The following PIK3C2B variants were observed in gnomAD, a reference collection of about 807,000 sequenced individuals.
PIK3C2B encodes the protein phosphatidylinositol-4-phosphate 3-kinase catalytic subunit type 2 beta.
A neutral mutation model predicts 184.3 loss-of-function variants in PIK3C2B; 83 were observed. That is an observed-to-expected ratio of 0.45 (90% CI 0.38 to 0.54). PIK3C2B has a LOEUF of 0.54. Ranked by LOEUF, PIK3C2B falls within the 20% of genes least tolerant of loss-of-function variation. PIK3C2B has a pLI of 0.00. For missense variants in PIK3C2B, 1,736 were observed against 2,113.5 expected (o/e 0.82, Z 3.50); for synonymous variants, 779 against 837.6 (o/e 0.93, Z 1.21).
At chr1:204,470,447 C>A (rs1487992037) in intron 1 of PIK3C2B, among the ~76,000 whole-genome samples, 1 of 152,166 alleles carries the variant, frequency 6.6e-6, no homozygotes, top group Non-Finnish European at 1.5e-5. Flanking sequence ...GGATTACAGG[C>A]GTGAGCTACC....
intron 1 of PIK3C2B, among the ~76,000 whole-genome samples, chr1:204,482,758 T>C (rs571458634): frequency 5.3e-4 from 80 of 151,502 alleles, no homozygotes; most frequent in Non-Finnish European, 2.9e-4. Flanking sequence ...CACTGCACTC[T>C]GTCTCAAAAA....
In PIK3C2B at chr1:204,433,492, C is replaced by T; in HGVS notation, c.3844-67G>A. On this transcript the variant is annotated intron_variant, in intron 25 of 32. Transcript: ENST00000684373. This position sits in a 1 kb window ranked among gnomAD's most constrained non-coding sequence, Gnocchi z 5.0. ...CAGAGAATTCTTGCTGCTTCTCTAC[C>T]CTTAGGCAAGGTTTTCTACAGCTAG... 1 of 1,061,924 alleles carries T rather than the reference C, an allele frequency of 9.4e-7. No individual in the cohort carries two copies. Among genetic ancestry groups the T allele is most frequent in the Non-Finnish European group, 1.5e-6 (1 of 687,220 alleles). The allele number at this position is 1,061,924 out of a possible 1,614,324, so 65.8% of individuals were successfully genotyped here.
At chr1:204,446,399 C>T (rs1408600503) in intron 15 of PIK3C2B, among the ~76,000 whole-genome samples, 2 of 152,222 alleles carry the variant, frequency 1.3e-5, no homozygotes, top group Non-Finnish European at 2.9e-5. Context: ...CCACAGATCA[C>T]CAGGTGATTC....
intron 1 of PIK3C2B, among the ~76,000 whole-genome samples, chr1:204,472,501 G>A (rs990325413): frequency 1.3e-5 from 2 of 149,248 alleles, no homozygotes; most frequent in African/African-American, 2.4e-5. Flanking sequence ...AAGCCCGGCC[G>A]GATACGGTGG....
Position 204,433,255 on chromosome 1 carries a change from T to G in PIK3C2B, c.3953+61A>C. 1 of 923,058 alleles carries G rather than the reference T, an allele frequency of 1.1e-6. No individual in the cohort carries two copies. Among genetic ancestry groups the G allele is most frequent in the South Asian group, 1.4e-5 (1 of 71,658 alleles). The allele number at this position is 923,058 out of a possible 1,614,324, so 57.2% of individuals were successfully genotyped here. ...CTTTCCCCAGTCCTCCTCCTGCCAATCCGGCAGGCTGGGAATTACTCAGGG... is the reference window on the plus strand; with the variant it reads ...CTTTCCCCAGTCCTCCTCCTGCCAAGCCGGCAGGCTGGGAATTACTCAGGG... On this transcript the variant is annotated intron_variant, in intron 26 of 32. Coordinates refer to ENST00000684373, the MANE Select transcript of PIK3C2B (RefSeq NM_001377334.1). The surrounding 1 kb of genome is among the most constrained non-coding windows in gnomAD (Gnocchi z 5.0).
rs71145092 is a variant in PIK3C2B at position 204,473,989 on chromosome 1, C to CTTTTT, written c.-84-4108_-84-4104dup. 1.9e-4 allele frequency among the ~76,000 whole-genome samples: 22 copies of CTTTTT among 115,126 alleles called. 2 individuals carry two copies. The highest frequency in any genetic ancestry group is 8.3e-4 in the South Asian group (3 of 3,620). The allele number at this position is 115,126 out of a possible 152,430, so 75.5% of individuals were successfully genotyped here. A position where few individuals can be genotyped will look rare whatever the true frequency, so the allele number is the denominator to read the frequency against. ...CCGAACCCTAAACACCTCCCCTTGA[C>CTTTTT]TTTTTTTTTTTTTTTTTTTGAGATG... On this transcript the variant is annotated intron_variant, in intron 1 of 32. Coordinates refer to ENST00000684373, the MANE Select transcript of PIK3C2B (RefSeq NM_001377334.1).
At chr1:204,456,895 CACACACACACA>C in intron 10 of PIK3C2B, 131 bp downstream of exon 10, 1 of 544,628 alleles carries the variant, frequency 1.8e-6, no homozygotes, top group Non-Finnish European at 3.2e-6. Flanking sequence ...CACACACACA[CACACACACACA>C]CCCACACACA....
intron 1 of PIK3C2B, among the ~76,000 whole-genome samples, chr1:204,486,203 C>T (rs2103537489): frequency 6.6e-6 from 1 of 152,014 alleles, no homozygotes; most frequent in Non-Finnish European, 1.5e-5. Flanking sequence ...CCAGATCAGC[C>T]TGGCTAACAT....
chr1:204,441,928 G>A (rs944200715), intron 20 of PIK3C2B, among the ~76,000 whole-genome samples: 1 of 152,130 alleles, frequency 6.6e-6, no homozygotes, highest in Non-Finnish European at 1.5e-5. Flanking sequence ...GAGTTGTGAA[G>A]ATGAAATGCC....
At position 204,431,760 on chromosome 1, in the gene PIK3C2B, G is replaced by A. The variant is rs754294690; in HGVS notation, c.4189C>T (p.His1397Tyr). The change falls in exon 28 of 33, where the codon CAC becomes TAC. Residue 1397 changes from histidine to tyrosine, a missense_variant. His to Tyr is a moderately conservative substitution (Grantham distance 83). Around this residue, in one of 8 missense-constraint regions of PIK3C2B, gnomAD observed 200 missense variants for 199.1 expected, o/e 1.00. Transcript: ENST00000684373. Reference sequence around the variant, plus strand: ...GTCCGCTGGATGTAGGTGGCCTCGTGAGTGTTCTCTCGCATCACCTTTACC... The same window carrying A: ...GTCCGCTGGATGTAGGTGGCCTCGTAAGTGTTCTCTCGCATCACCTTTACC... Reference protein sequence around the residue: ...YVVKVMRENTHEATYIQRTFE... With the variant: ...YVVKVMRENTYEATYIQRTFE... 4 of 1,614,064 alleles carry A rather than the reference G, an allele frequency of 2.5e-6. No individual in the cohort carries two copies. Among genetic ancestry groups the A allele is most frequent in the African/African-American group, 2.7e-5 (2 of 74,922 alleles).
At position 204,450,704 on chromosome 1, in the gene PIK3C2B, C is replaced by A. The variant is rs190188586; in HGVS notation, c.2067-687G>T. On this transcript the variant is annotated intron_variant, in intron 12 of 32. Transcript: ENST00000684373. ...CAAGAGAACTGAGACACATAAGCCC[C>A]ACCACTATTCAAGCCCATAAGTTCT... Among the ~76,000 whole-genome samples, 3 of 152,206 alleles carry A rather than the reference C, an allele frequency of 2.0e-5. No homozygotes were observed. The South Asian group carries it at 6.2e-4, about 31-fold the overall frequency.
chr1:204,464,121 C>T lies in PIK3C2B; in HGVS notation c.1201G>A (p.Val401Ile). The stretch of plus-strand genomic sequence containing the variant: ...AGGGTCTGGTAGATAAGCAAGTCTA[C>T]AGTGGAGGAACCTGTGAAGGGTAAG... The part of the protein sequence containing the change: ...LTFTCNCSST[V>I]DLLIYQTLCY... The change falls in exon 5 of 33, where the codon GTA becomes ATA. Residue 401 changes from valine to isoleucine, a missense_variant. Physicochemically the swap from Val to Ile is conservative, Grantham distance 29. Transcript: ENST00000684373. 6.2e-7 allele frequency: 1 copy of T among 1,614,068 alleles called. No individual in the cohort carries two copies. The highest frequency in any genetic ancestry group is 8.5e-7 in the Non-Finnish European group (1 of 1,179,942).
intron 1 of PIK3C2B, among the ~76,000 whole-genome samples, chr1:204,479,101 T>C (rs1572392836): frequency 1.3e-5 from 2 of 152,172 alleles, no homozygotes; most frequent in Admixed American, 6.5e-5. Context: ...GCAATTTTGA[T>C]TGCAGGGTCA....
intron 1 of PIK3C2B, among the ~76,000 whole-genome samples, chr1:204,492,112 A>G (rs1236061655): frequency 1.3e-5 from 2 of 152,028 alleles, no homozygotes; most frequent in Admixed American, 1.3e-4. Context: ...CCCATCCCTC[A>G]CAGATCTCCC....
chr1:204,449,814 C>T, intron 13 of PIK3C2B, 36 bp downstream of exon 13: 2 of 1,541,788 alleles, frequency 1.3e-6, no homozygotes, highest in African/African-American at 1.4e-5. Context: ...TCCTCCCCTT[C>T]CAAGGCCAAG....
chr1:204,482,211 T>C (rs1266482096), intron 1 of PIK3C2B, among the ~76,000 whole-genome samples: 2 of 150,684 alleles, frequency 1.3e-5, no homozygotes, highest in African/African-American at 5.0e-5. Flanking sequence ...CCCTCTAGAG[T>C]ACAGTCCCCA....
rs1353048922 is a variant in PIK3C2B, at chr1:204,449,978, C to T, written c.2106G>A (p.Glu702=). ...FPVQVNRLPR[E]TLLCATLYAL... The stretch of plus-strand genomic sequence containing the variant: ...CATAGAGAGTGGCACACAGCAGTGT[C>T]TCCCGAGGCAGCCGGTTCACCTGCA... The change falls in exon 13 of 33, where the codon GAG becomes GAA. Residue 702 remains glutamate, a synonymous_variant. Coordinates refer to ENST00000684373, the MANE Select transcript of PIK3C2B (RefSeq NM_001377334.1). 1 of 1,598,188 alleles carries T rather than the reference C, an allele frequency of 6.3e-7. No homozygotes were observed. The highest frequency in any genetic ancestry group is 1.1e-5 in the South Asian group (1 of 88,482).
At chr1:204,449,157 G>C in intron 14 of PIK3C2B, 28 bp downstream of exon 14, 1 of 1,464,848 alleles carries the variant, frequency 6.8e-7, no homozygotes, top group Non-Finnish European at 9.5e-7. Context: ...TCTTGCTGGT[G>C]ACTGGGAGGG....
At chr1:204,464,408 C>A (rs1289640848) in intron 4 of PIK3C2B, 42 bp downstream of exon 4, 4 of 1,583,086 alleles carry the variant, frequency 2.5e-6, no homozygotes, top group Non-Finnish European at 3.5e-6. Flanking sequence ...CCCCACCCCA[C>A]TTCAAGGGAT....
Sources: allele counts gnomAD v4.1 joint callset (sites outside exome capture counted in the v4.1 genomes callset), GRCh38; gene constraint gnomAD v4.1.1; regional missense constraint gnomAD v4.1.1; non-coding constraint Gnocchi (gnomAD v3.1); transcripts MANE v1.5; gene names NCBI Gene and HGNC (gene_info 2026-07-23, HGNC 2026-07-21).